SMIM41: variants seen among roughly 807,000 people sequenced by gnomAD.
SMIM41 encodes small integral membrane protein 41.
intron 2 of SMIM41, among the ~76,000 whole-genome samples, chr12:52,089,114 T>C (rs1233217722): frequency 3.9e-5 from 6 of 151,964 alleles, no homozygotes; most frequent in Non-Finnish European, 8.8e-5. Flanking sequence ...TGCTTTCTTG[T>C]GATGTGAGAC....
chr12:52,090,056 GTTGTTTGTTTGT>G (rs367626341), intron 2 of SMIM41, among the ~76,000 whole-genome samples: 40 of 151,484 alleles, frequency 2.6e-4, no homozygotes, highest in Non-Finnish European at 5.0e-4. Context: ...CCAAGAAGGT[GTTGTTTGTTTGT>G]TTGTTTGTTT....
rs111621978 is a variant in SMIM41 at position 52,102,005 on chromosome 12, G to A, written c.*196-5374G>A. On this transcript the variant is annotated intron_variant, in intron 2 of 2. Transcript: ENST00000546390. ...TGGGATTACAGGCGTGAGCAACTGC[G>A]CTCGGCCCATGCTGTATCTTTATCT... Among the ~76,000 whole-genome samples, 1,452 of 150,150 alleles carry A rather than the reference G, an allele frequency of 9.7e-3. 35 individuals carry two copies. The highest frequency in any genetic ancestry group is 0.033 in the African/African-American group (1,341 of 40,054).
intron 2 of SMIM41, among the ~76,000 whole-genome samples, chr12:52,103,375 A>G (rs1390276773): frequency 6.6e-6 from 1 of 150,820 alleles, no homozygotes; most frequent in East Asian, 1.9e-4. Flanking sequence ...AAAAAAAACC[A>G]AAAAACAAAA....
At chr12:52,095,279 C>G (rs1238077863) in intron 2 of SMIM41, among the ~76,000 whole-genome samples, 1 of 151,616 alleles carries the variant, frequency 6.6e-6, no homozygotes, top group African/African-American at 2.4e-5. Flanking sequence ...AACATCTCCC[C>G]CCTCTCCCCC....
intron 2 of SMIM41, among the ~76,000 whole-genome samples, chr12:52,095,032 G>A (rs1239005952): frequency 1.4e-5 from 2 of 145,720 alleles, no homozygotes; most frequent in African/African-American, 5.2e-5. Flanking sequence ...TGCAACCTCT[G>A]CCTTCTGGGC....
chr12:52,090,149 C>T (rs1484021128), intron 2 of SMIM41, among the ~76,000 whole-genome samples: 1 of 152,130 alleles, frequency 6.6e-6, no homozygotes, highest in African/African-American at 2.4e-5. Context: ...TGGCTCACTA[C>T]AACCTCCACC....
intron 2 of SMIM41, among the ~76,000 whole-genome samples, chr12:52,090,526 G>A (rs1939981649): frequency 6.6e-6 from 1 of 152,232 alleles, no homozygotes; most frequent in Non-Finnish European, 1.5e-5. Flanking sequence ...GGGGAACCAT[G>A]GGGAGGCCCA....
chr12:52,079,949 G>GCCT lies in SMIM41; in HGVS notation c.179_181dup (p.Leu60dup), dbSNP rs1358309336. 6.2e-5 allele frequency: 24 copies of GCCT among 385,620 alleles called. No homozygotes were observed. The highest frequency in any genetic ancestry group is 4.0e-4 in the Admixed American group (9 of 22,256). 23.9% of individuals were successfully genotyped at this position (385,620 alleles called of 1,614,324 possible). On this transcript the variant is annotated inframe_insertion, in exon 1 of 3. Transcript: ENST00000546390. ...TGCGGGGTCCTGTTCCTGGGCGGCGGCCTCCTCCTCCGCGCCCAGGGCCTG... is the reference window on the plus strand; with the variant it reads ...TGCGGGGTCCTGTTCCTGGGCGGCGGCCTCCTCCTCCTCCGCGCCCAGGGCCTG...
intron 2 of SMIM41, among the ~76,000 whole-genome samples, chr12:52,094,341 G>C (rs376348904): frequency 6.6e-6 from 1 of 151,600 alleles, no homozygotes; most frequent in Admixed American, 6.6e-5. Flanking sequence ...GACTACAGGC[G>C]TGTGCCACCA....
chr12:52,086,641 AC>A (rs903686286), intron 2 of SMIM41, among the ~76,000 whole-genome samples: 5 of 152,214 alleles, frequency 3.3e-5, no homozygotes, highest in Admixed American at 2.6e-4. Context: ...CTGGGTGTCC[AC>A]CTGCCCTGGC....
intron 2 of SMIM41, among the ~76,000 whole-genome samples, chr12:52,098,891 C>T (rs146052295): frequency 6.6e-6 from 1 of 151,964 alleles, no homozygotes; most frequent in Non-Finnish European, 1.5e-5. Context: ...AACAATATTA[C>T]AGGAGGGGTG....
In SMIM41 at chr12:52,094,606, C is replaced by T. The variant is rs550557040; in HGVS notation, c.*195+10638C>T. Reference sequence around the variant, plus strand: ...CCTCTGTACCCCCTGGGATGTTGGTCAAGCTATGGCTTGGCCTCCAAATGC... The same window carrying T: ...CCTCTGTACCCCCTGGGATGTTGGTTAAGCTATGGCTTGGCCTCCAAATGC... On this transcript the variant is annotated intron_variant, in intron 2 of 2. Coordinates refer to ENST00000546390, the MANE Select transcript of SMIM41 (RefSeq NM_001369216.1). 3 of 152,612 alleles carry T rather than the reference C, an allele frequency of 2.0e-5. No individual in the cohort carries two copies. The South Asian group carries it at 6.2e-4, about 32-fold the overall frequency. 9.5% of individuals were successfully genotyped at this position (152,612 alleles called of 1,614,324 possible).
chr12:52,100,462 T>C (rs1323203909), intron 2 of SMIM41, among the ~76,000 whole-genome samples: 1 of 150,852 alleles, frequency 6.6e-6, no homozygotes, highest in African/African-American at 2.4e-5. Context: ...TTTCTTTCTT[T>C]TTTTTTTTTT....
chr12:52,108,140 C>T lies in SMIM41; in HGVS notation c.*957C>T, dbSNP rs561433284. The T allele has an allele frequency of 3.3e-4, 71 of 215,492 alleles. 1 individual carries two copies. In the South Asian group the frequency reaches 5.2e-3, roughly 16 times the overall value. The allele number at this position is 215,492 out of a possible 1,614,324, so 13.3% of individuals were successfully genotyped here. ...TCAGTTCAGATGTGTCATCTTCCCC[C>T]AGAAAGGGTGCAGTGGCTGCAGTGA... On this transcript the variant is annotated 3_prime_UTR_variant, in exon 3 of 3. Coordinates refer to ENST00000546390, the MANE Select transcript of SMIM41 (RefSeq NM_001369216.1).
intron 2 of SMIM41, among the ~76,000 whole-genome samples, chr12:52,098,532 C>G (rs1940146324): frequency 6.6e-6 from 1 of 150,434 alleles, no homozygotes; most frequent in African/African-American, 2.5e-5. Context: ...GACGTACACC[C>G]CGTTTGATAT....
intron 2 of SMIM41, among the ~76,000 whole-genome samples, chr12:52,095,794 A>T (rs1940082107): frequency 6.6e-6 from 1 of 152,068 alleles, no homozygotes; most frequent in Non-Finnish European, 1.5e-5. Context: ...TGTTAAGAAG[A>T]ATATTATCCT....
intron 2 of SMIM41, among the ~76,000 whole-genome samples, chr12:52,089,230 A>G (rs1033118826): frequency 6.6e-6 from 1 of 152,028 alleles, no homozygotes; most frequent in South Asian, 2.1e-4. Context: ...AACAGCAGAC[A>G]TTTATTCTCT....
intron 2 of SMIM41, among the ~76,000 whole-genome samples, chr12:52,093,214 A>C (rs896035069): frequency 6.6e-6 from 1 of 151,866 alleles, no homozygotes; most frequent in South Asian, 2.1e-4. Flanking sequence ...ACAACAACAA[A>C]CAAAAAACCC....
At chr12:52,092,204 T>C (rs1451896777) in intron 2 of SMIM41, 2 of 152,248 alleles carry the variant, frequency 1.3e-5, no homozygotes, top group East Asian at 3.8e-4. Flanking sequence ...ATTTTGAATG[T>C]ATCTTTTTGT....
Sources: allele counts gnomAD v4.1 joint callset (sites outside exome capture counted in the v4.1 genomes callset), GRCh38; gene constraint gnomAD v4.1.1; transcripts MANE v1.5; gene names NCBI Gene and HGNC (gene_info 2026-07-23, HGNC 2026-07-21).